KCNJ5: variants seen among roughly 807,000 people sequenced by gnomAD.
KCNJ5 encodes G protein-activated inward rectifier potassium channel 4.
KCNJ5 carries 12 observed loss-of-function variants against 20.2 expected under a neutral mutation model. That is an observed-to-expected ratio of 0.59 (90% CI 0.38 to 0.96). The LOEUF (loss-of-function observed/expected upper bound fraction) is 0.96, where lower values mean the gene tolerates loss of function less well. Ranked by LOEUF, KCNJ5 falls within the 40% of genes least tolerant of loss-of-function variation. The pLI, the probability that KCNJ5 is intolerant of heterozygous loss-of-function variation, is 0.00. For synonymous variants in KCNJ5, 210 were observed against 213.9 expected, an observed-to-expected ratio of 0.98 and a Z score of 0.16; for missense variants, 449 against 557.6, an observed-to-expected ratio of 0.81 and a Z score of 1.96.
chr11:128,910,768 T>C (rs1944484508), intron 1 of KCNJ5, among the ~76,000 whole-genome samples: 1 of 152,206 alleles, frequency 6.6e-6, no homozygotes, highest in African/African-American at 2.4e-5. Flanking sequence ...CCTGTGGAGC[T>C]TACATTCTGA....
chr11:128,909,826 A>T (rs903595108), intron 1 of KCNJ5: 1 of 152,248 alleles, frequency 6.6e-6, no homozygotes, highest in African/African-American at 2.4e-5. Context: ...GTTGAAAGAT[A>T]GTATCCCTAA....
At chr11:128,901,324 T>C (rs1020470575) in intron 1 of KCNJ5, 5 of 152,240 alleles carry the variant, frequency 3.3e-5, no homozygotes, top group Non-Finnish European at 5.9e-5. Flanking sequence ...TATTCCACAG[T>C]GTTGCTGAGC....
chr11:128,895,032 T>G (rs886419823), intron 1 of KCNJ5, among the ~76,000 whole-genome samples: 6 of 151,118 alleles, frequency 4.0e-5, no homozygotes, highest in African/African-American at 9.8e-5. Context: ...CAACGGCACT[T>G]CCTGGTCACC....
intron 2 of KCNJ5, among the ~76,000 whole-genome samples, chr11:128,913,581 TC>T (rs1392068654): frequency 2.1e-5 from 2 of 93,480 alleles, no homozygotes; most frequent in South Asian, 9.5e-4. Flanking sequence ...TCTCTCTCTC[TC>T]TTTTTTTTTT....
At position 128,912,061 on chromosome 11, in the gene KCNJ5, C is replaced by T. The variant is rs753852908; in HGVS notation, c.788C>T (p.Thr263Met). Residue 263 changes from threonine (T) to methionine (M), a missense_variant, in exon 2 of 3, where the codon ACG (threonine) becomes ATG (methionine). Thr to Met is a moderately conservative substitution (Grantham distance 81, BLOSUM62 -1). Coordinates refer to ENST00000529694, the MANE Select transcript of KCNJ5 (RefSeq NM_000890.5). ...NQTDINVGFDTGDDRLFLVSP... is the reference protein window; with the variant it reads ...NQTDINVGFDMGDDRLFLVSP... ...ACAGACATCAACGTGGGCTTTGACACGGGCGACGACCGCCTCTTCCTTGTG... is the reference window on the plus strand; with the variant it reads ...ACAGACATCAACGTGGGCTTTGACATGGGCGACGACCGCCTCTTCCTTGTG... The T allele has an allele frequency of 5.6e-6, 9 of 1,613,808 alleles. No individual in the cohort carries two copies. The highest frequency in any genetic ancestry group is 1.7e-5 in the Admixed American group (1 of 60,012).
chr11:128,907,305 TG>T (rs1944435280), intron 1 of KCNJ5, among the ~76,000 whole-genome samples: 1 of 152,196 alleles, frequency 6.6e-6, no homozygotes, highest in East Asian at 1.9e-4. Flanking sequence ...GAAGCCCTGC[TG>T]ACCCCCAAGC....
chr11:128,902,429 C>T, intron 1 of KCNJ5: 1 of 1,252,338 alleles, frequency 8.0e-7, no homozygotes, highest in Non-Finnish European at 1.1e-6. Flanking sequence ...AGCAGGTTTG[C>T]ACAGGGTGCC....
rs750600982 is a variant in KCNJ5, at chr11:128,912,065, C to T, written c.792C>T (p.Gly264=). The T allele has an allele frequency of 7.9e-5, 127 of 1,613,818 alleles. No individual in the cohort carries two copies. In the Middle Eastern group the frequency reaches 1.5e-3, roughly 19 times the overall value. Residue 264 remains glycine (G), a synonymous_variant, in exon 2 of 3, where the codon GGC becomes GGT. Coordinates refer to ENST00000529694, the MANE Select transcript of KCNJ5 (RefSeq NM_000890.5). ...ACATCAACGTGGGCTTTGACACGGG[C>T]GACGACCGCCTCTTCCTTGTGTCTC... ...QTDINVGFDT[G]DDRLFLVSPL...
chr11:128,911,825 G>T lies in KCNJ5; in HGVS notation c.552G>T (p.Gly184=). The change falls in exon 2 of 3, where the codon GGG becomes GGT. Residue 184 remains glycine, a synonymous_variant. Transcript: ENST00000529694. This position sits in a 1 kb window ranked among gnomAD's most constrained non-coding sequence, Gnocchi z 6.3. The part of the protein sequence containing the change: ...LGSIVNAFMV[G]CMFVKISQPK... ...CCATCGTCAATGCCTTCATGGTGGG[G>T]TGCATGTTTGTCAAGATCAGCCAGC... The T allele has an allele frequency of 6.2e-7, 1 of 1,614,174 alleles. No individual in the cohort carries two copies. The highest frequency in any genetic ancestry group is 8.5e-7 in the Non-Finnish European group (1 of 1,180,010).
chr11:128,911,635 T>C lies in KCNJ5; in HGVS notation c.362T>C (p.Val121Ala), dbSNP rs372720732. The change falls in exon 2 of 3, where the codon GTT (valine) becomes GCT (alanine). Residue 121 changes from valine (V) to alanine (A), a missense_variant. By Grantham distance (64) the Val-to-Ala change is moderately conservative (BLOSUM62 0). Coordinates refer to ENST00000529694, the MANE Select transcript of KCNJ5 (RefSeq NM_000890.5). The surrounding 1 kb of genome is among the most constrained non-coding windows in gnomAD (Gnocchi z 6.3). ...TATATCCGGGGTGACCTGGACCATG[T>C]TGGCGACCAAGAGTGGATTCCTTGT... ...IAYIRGDLDH[V>A]GDQEWIPCVE... 6.2e-7 allele frequency: 1 copy of C among 1,614,228 alleles called. No homozygotes were observed. Among genetic ancestry groups the C allele is most frequent in the Non-Finnish European group, 8.5e-7 (1 of 1,180,032 alleles).
In KCNJ5 at chr11:128,913,895, C is replaced by T. The variant is rs116580942; in HGVS notation, c.937+1685C>T. Among the ~76,000 whole-genome samples, 848 of 152,324 alleles carry T rather than the reference C, an allele frequency of 5.6e-3. 10 individuals carry two copies. Among genetic ancestry groups the T allele is most frequent in the African/African-American group, 0.02 (817 of 41,564 alleles). ...TTCCAGCCCCCAGGAAGCTGGCTGC[C>T]GGGCAGGGGACTCAGACCCAGACTG... is the stretch of plus-strand genomic sequence containing the variant. On this transcript the variant is annotated intron_variant, in intron 2 of 2. Coordinates refer to ENST00000529694, the MANE Select transcript of KCNJ5 (RefSeq NM_000890.5).
At position 128,913,404 on chromosome 11, in the gene KCNJ5, C is replaced by A. The variant is rs1002807297; in HGVS notation, c.937+1194C>A. On this transcript the variant is annotated intron_variant, in intron 2 of 2. Coordinates refer to ENST00000529694, the MANE Select transcript of KCNJ5 (RefSeq NM_000890.5). ...CTCACCAGCAGCTGGTAGCCAAGGACCCCCCAGTTCCTCAGCCACTCAGCC... is the reference window on the plus strand; with the variant it reads ...CTCACCAGCAGCTGGTAGCCAAGGAACCCCCAGTTCCTCAGCCACTCAGCC... Among the ~76,000 whole-genome samples the A allele has an allele frequency of 3.9e-5, 6 of 152,308 alleles. No individual in the cohort carries two copies. In the East Asian group the frequency reaches 5.8e-4, roughly 15 times the overall value.
intron 1 of KCNJ5, among the ~76,000 whole-genome samples, chr11:128,907,487 T>C (rs1202746723): frequency 6.6e-6 from 1 of 152,246 alleles, no homozygotes; most frequent in African/African-American, 2.4e-5. Context: ...TTCCTTTGAT[T>C]TTGCCTCTTT....
intron 1 of KCNJ5, among the ~76,000 whole-genome samples, chr11:128,908,540 A>C (rs1477702029): frequency 1.3e-5 from 2 of 152,360 alleles, no homozygotes; most frequent in African/African-American, 4.8e-5. Context: ...TGCCAGACGC[A>C]AAAAGTTTTC....
At chr11:128,898,794 A>C (rs919557044) in intron 1 of KCNJ5, among the ~76,000 whole-genome samples, 2 of 151,862 alleles carry the variant, frequency 1.3e-5, no homozygotes, top group Admixed American at 1.3e-4. Flanking sequence ...CTCATACCTT[A>C]GCCTCCCGAA....
intron 1 of KCNJ5, among the ~76,000 whole-genome samples, chr11:128,897,093 C>CTTTTTT (rs35966521): frequency 1.1e-4 from 11 of 100,088 alleles, no homozygotes; most frequent in African/African-American, 2.9e-4. Flanking sequence ...CCGTTTACCA[C>CTTTTTT]TTTTTTTTTT....
intron 2 of KCNJ5, 119 bp from the exon 3 acceptor site, chr11:128,916,270 ATGGATGGATGAACAGATGAC>A (rs1944580388): frequency 1.1e-5 from 8 of 703,760 alleles, no homozygotes; most frequent in Non-Finnish European, 1.5e-5. Context: ...GGATGGATGG[ATGGATGGATGAACAGATGAC>A]TGGATGGATG....
intron 2 of KCNJ5, among the ~76,000 whole-genome samples, chr11:128,914,333 G>A (rs1320898076): frequency 1.3e-5 from 2 of 152,158 alleles, no homozygotes; most frequent in Non-Finnish European, 2.9e-5. Context: ...AGTGCTATCT[G>A]CCCCGCTGCC....
intron 1 of KCNJ5, among the ~76,000 whole-genome samples, chr11:128,894,175 T>C (rs1481216340): frequency 8.9e-6 from 1 of 112,060 alleles, no homozygotes; most frequent in Non-Finnish European, 1.8e-5. Context: ...TGCATCCACT[T>C]CTGCATTGTT....
Sources: allele counts gnomAD v4.1 joint callset (sites outside exome capture counted in the v4.1 genomes callset), GRCh38; gene constraint gnomAD v4.1.1; non-coding constraint Gnocchi (gnomAD v3.1); transcripts MANE v1.5; gene names NCBI Gene and HGNC (gene_info 2026-07-23, HGNC 2026-07-21).